GLIS3: variants seen among roughly 807,000 people sequenced by gnomAD.
GLIS3 encodes GLIS family zinc finger 3.
A neutral mutation model predicts 78.6 loss-of-function variants in GLIS3; 53 were observed. The ratio of observed to expected loss-of-function variants is 0.67; its 90% CI spans 0.54 to 0.85. The LOEUF is 0.85. GLIS3 is among the 40% of genes least tolerant of loss of function. The pLI, the probability that GLIS3 is intolerant of heterozygous loss-of-function variation, is 0.00. For synonymous variants in GLIS3, 684 were observed against 509.9 expected, an observed-to-expected ratio of 1.34 and a Z score of -4.60; for missense variants, 1,703 against 1,231.1, an observed-to-expected ratio of 1.38 and a Z score of -5.74.
intron 2 of GLIS3, among the ~76,000 whole-genome samples, chr9:4,319,484 G>T (rs992558870): frequency 4.6e-5 from 7 of 151,960 alleles, no homozygotes; most frequent in Non-Finnish European, 8.8e-5. Context: ...ATTTTTAAAT[G>T]TTTTAAAATT....
At chr9:4,075,468 C>T (rs1188313309) in intron 4 of GLIS3, among the ~76,000 whole-genome samples, 4 of 150,598 alleles carry the variant, frequency 2.7e-5, no homozygotes, top group African/African-American at 9.8e-5. Context: ...CCCAGCTACT[C>T]GGGAGGCTGA....
intron 2 of GLIS3, among the ~76,000 whole-genome samples, chr9:4,243,036 C>T (rs1000153303): frequency 6.6e-5 from 10 of 152,146 alleles, no homozygotes; most frequent in African/African-American, 2.4e-4. Context: ...TCCAGATATT[C>T]TACCATGATT....
At chr9:4,447,350 C>T in the GLIS3 span, among the ~76,000 whole-genome samples, 1 of 152,060 alleles carries the variant, frequency 6.6e-6, no homozygotes, top group East Asian at 1.9e-4. Context: ...ATGCCTGATA[C>T]AGGAGTGAGC....
chr9:3,980,118 T>C (rs1323226861), intron 4 of GLIS3, among the ~76,000 whole-genome samples: 1 of 152,206 alleles, frequency 6.6e-6, no homozygotes, highest in Admixed American at 6.5e-5. Context: ...GACTTCTTCC[T>C]GTTGGTTTCA....
At chr9:4,044,039 G>A (rs538185246) in intron 4 of GLIS3, among the ~76,000 whole-genome samples, 1 of 152,312 alleles carries the variant, frequency 6.6e-6, no homozygotes, top group African/African-American at 2.4e-5. Context: ...GGGCAGAGCA[G>A]GCAAACATCA....
intron 2 of GLIS3, among the ~76,000 whole-genome samples, chr9:4,320,480 T>C (rs1454921370): frequency 6.6e-6 from 1 of 152,192 alleles, no homozygotes; most frequent in Non-Finnish European, 1.5e-5. Flanking sequence ...CCTTCACACC[T>C]TTCTCTCTGT....
intron 4 of GLIS3, among the ~76,000 whole-genome samples, chr9:3,945,577 C>T (rs1256358612): frequency 6.6e-6 from 1 of 152,134 alleles, no homozygotes; most frequent in Non-Finnish European, 1.5e-5. Flanking sequence ...CTGCTTGCTC[C>T]AATACCTCCA....
At chr9:4,327,312 C>A (rs996272467) in intron 2 of GLIS3, among the ~76,000 whole-genome samples, 1 of 152,146 alleles carries the variant, frequency 6.6e-6, no homozygotes, top group East Asian at 1.9e-4. Context: ...ATGTTGTATT[C>A]AGAGCAAAGA....
chr9:4,485,576 C>T, the GLIS3 span, among the ~76,000 whole-genome samples: 1 of 152,168 alleles, frequency 6.6e-6, no homozygotes, highest in South Asian at 2.1e-4. Context: ...TCCTGTCTCC[C>T]CATGTGACTA....
chr9:4,309,997 C>T (rs1034065435), intron 3 of GLIS3, among the ~76,000 whole-genome samples: 1 of 152,166 alleles, frequency 6.6e-6, no homozygotes, highest in African/African-American at 2.4e-5. Context: ...TGTCTGAACG[C>T]AAACAGCATT....
At chr9:4,126,464 C>G (rs1292045974) in intron 2 of GLIS3, among the ~76,000 whole-genome samples, 1 of 145,296 alleles carries the variant, frequency 6.9e-6, no homozygotes, top group East Asian at 1.9e-4. Context: ...AACACATTGT[C>G]ATTGGACATC....
In GLIS3 at chr9:4,286,085, G is replaced by A; in HGVS notation, c.341C>T (p.Pro114Leu). Residue 114 changes from proline to leucine, a missense_variant, in exon 2 of 11, where the codon CCA becomes CTA. By Grantham distance (98) the Pro-to-Leu change is moderately conservative (BLOSUM62 -3). Coordinates refer to ENST00000381971, the MANE Select transcript of GLIS3 (RefSeq NM_001042413.2). ...AGGGCTTCCAAACTCCTGCTGCTTT[G>A]GCTTTAAAGTATGTGACCCTGACAT... Reference protein sequence around the residue: ...GGMSGSHTLKPKQQEFGSPFP... With the variant: ...GGMSGSHTLKLKQQEFGSPFP... The A allele has an allele frequency of 1.2e-6, 2 of 1,613,558 alleles. No homozygotes were observed. The highest frequency in any genetic ancestry group is 1.7e-5 in the Admixed American group (1 of 59,972).
chr9:4,317,500 A>G lies in GLIS3; in HGVS notation n.265-6972T>C, dbSNP rs74928831. ...AAGCAGATGTCTTTTTAAAAATATC[A>G]GTCTAAAGAAGACACAAAATCCCTA... On this transcript the variant is annotated intron_variant and non_coding_transcript_variant, in intron 2 of 4. Coordinates refer to the GLIS3 transcript ENST00000471664. Among the ~76,000 whole-genome samples the G allele has an allele frequency of 2.1e-3, 322 of 152,380 alleles. 2 individuals are homozygous for G. Among genetic ancestry groups the G allele is most frequent in the African/African-American group, 7.2e-3 (300 of 41,596 alleles).
chr9:3,865,545 C>A (rs1820520476), intron 8 of GLIS3, among the ~76,000 whole-genome samples: 1 of 152,160 alleles, frequency 6.6e-6, no homozygotes, highest in African/African-American at 2.4e-5. Context: ...AACATACTAA[C>A]AAGTTGGAAT....
chr9:4,258,656 AC>A (rs1460408436), intron 2 of GLIS3, among the ~76,000 whole-genome samples: 1 of 152,106 alleles, frequency 6.6e-6, no homozygotes, highest in Non-Finnish European at 1.5e-5. Context: ...CTTGTAAATC[AC>A]CCCTTAGAAA....
intron 4 of GLIS3, among the ~76,000 whole-genome samples, chr9:3,947,645 T>C (rs1414603894): frequency 6.6e-6 from 1 of 152,210 alleles, no homozygotes; most frequent in Admixed American, 6.5e-5. Flanking sequence ...TTACCATAAA[T>C]TGGCCCACAC....
At chr9:4,376,216 C>G in the GLIS3 span, among the ~76,000 whole-genome samples, 2 of 152,100 alleles carry the variant, frequency 1.3e-5, no homozygotes, top group African/African-American at 4.8e-5. Flanking sequence ...CAAATGGTTC[C>G]TTTCAGGGGA....
intron 6 of GLIS3, among the ~76,000 whole-genome samples, chr9:3,923,775 T>G (rs1190086020): frequency 2.6e-5 from 4 of 152,184 alleles, no homozygotes; most frequent in Admixed American, 6.5e-5. Context: ...CATTTAAGGA[T>G]GCATATAATG....
chr9:4,135,283 T>C (rs1381680840), intron 2 of GLIS3, among the ~76,000 whole-genome samples: 1 of 152,142 alleles, frequency 6.6e-6, no homozygotes, highest in Non-Finnish European at 1.5e-5. Context: ...AGGCAAATAA[T>C]GCAAAGTTAT....
Sources: gnomAD v4.1 joint callset for allele counts (sites outside exome capture counted in the v4.1 genomes callset) on GRCh38, gnomAD v4.1.1 for gene constraint, MANE v1.5 for transcripts, NCBI Gene and HGNC (gene_info 2026-07-23, HGNC 2026-07-21) for gene names.